The following HDAC9 variants were observed in gnomAD, a reference collection of about 807,000 sequenced individuals.
HDAC9 encodes MEF-2 interacting transcription repressor (MITR) protein.
HDAC9 carries 41 observed loss-of-function variants against 139.4 expected under a neutral mutation model. The observed-to-expected ratio is 0.29, with a 90% CI of 0.23 to 0.38. HDAC9 has a LOEUF of 0.38. Ranked by LOEUF, HDAC9 falls within the 10% of genes least tolerant of loss-of-function variation. HDAC9 has a pLI of 1.00. For synonymous variants in HDAC9, 517 were observed against 476.2 expected (o/e 1.09, Z -1.12); for missense variants, 1,147 against 1,297.0 (o/e 0.88, Z 1.78).
At chr7:18,292,572 A>T (rs1207341826) in intron 1 of HDAC9, among the ~76,000 whole-genome samples, 3 of 152,104 alleles carry the variant, frequency 2.0e-5, no homozygotes, top group Non-Finnish European at 4.4e-5. Context: ...GTGTGGAGTT[A>T]CCGCTGTAAA....
chr7:18,512,694 C>A (rs893303565), intron 2 of HDAC9, among the ~76,000 whole-genome samples: 1 of 152,180 alleles, frequency 6.6e-6, no homozygotes, highest in African/African-American at 2.4e-5. Context: ...CGATTTCCCA[C>A]CTCATACATA....
chr7:18,784,006 C>A (rs1420009883), intron 16 of HDAC9, among the ~76,000 whole-genome samples: 2 of 151,972 alleles, frequency 1.3e-5, no homozygotes, highest in Non-Finnish European at 2.9e-5. Context: ...CCCTCATCCC[C>A]AGTTACCTGA....
At chr7:18,561,144 A>T (rs1820473276) in intron 2 of HDAC9, among the ~76,000 whole-genome samples, 1 of 152,232 alleles carries the variant, frequency 6.6e-6, no homozygotes, top group Non-Finnish European at 1.5e-5. Context: ...TGCCTTGATT[A>T]AAAGAAGTCA....
In HDAC9 at chr7:18,691,390, TTCTGATCTTATA is replaced by T. The variant is rs543678635; in HGVS notation, c.1731+24916_1731+24927del. 1.2e-4 allele frequency among the ~76,000 whole-genome samples: 19 copies of T among 152,190 alleles called. No homozygotes were observed. The South Asian group carries it at 2.7e-3, about 22-fold the overall frequency. ...TTGGTGGGTCACTTTGTATTGCTCTTTCTGATCTTATATTCATTTAAGTACCAAAGAGTAGAG... is the reference window on the plus strand; with the variant it reads ...TTGGTGGGTCACTTTGTATTGCTCTTTTCATTTAAGTACCAAAGAGTAGAG... On this transcript the variant is annotated intron_variant, in intron 12 of 25. Coordinates refer to ENST00000686413, the MANE Select transcript of HDAC9 (RefSeq NM_178425.4).
rs555236705 is a variant in HDAC9, at chr7:18,657,329, A to G, written c.1467+8646A>G. Among the ~76,000 whole-genome samples, 71 of 152,250 alleles carry G rather than the reference A, an allele frequency of 4.7e-4. 2 individuals are homozygous for G. The South Asian group carries it at 0.014, about 30-fold the overall frequency. The stretch of plus-strand genomic sequence containing the variant: ...AAGTAAGGAATTGATCAATGGGGGA[A>G]ATGGCGATGTTTATGAGTTGGGAGA... On this transcript the variant is annotated intron_variant, in intron 11 of 25. Transcript: ENST00000686413.
At chr7:18,969,941 C>A (rs1262062824) in intron 24 of HDAC9, among the ~76,000 whole-genome samples, 2 of 152,158 alleles carry the variant, frequency 1.3e-5, no homozygotes, top group Non-Finnish European at 1.5e-5. Context: ...AATAGTTACT[C>A]ATTTCAGTAT....
chr7:18,392,391 A>AGATAGATG (rs1049558655), intron 1 of HDAC9, among the ~76,000 whole-genome samples: 2 of 132,778 alleles, frequency 1.5e-5, no homozygotes, highest in Non-Finnish European at 3.2e-5. Context: ...ATAGATGGAT[A>AGATAGATG]GATAGATGGA....
intron 12 of HDAC9, among the ~76,000 whole-genome samples, chr7:18,706,881 C>G (rs921832276): frequency 6.6e-6 from 1 of 152,040 alleles, no homozygotes; most frequent in East Asian, 1.9e-4. Context: ...AGAGTTAGGT[C>G]GAGGGTGCCT....
In HDAC9 at chr7:18,900,832, C is replaced by T. The variant is rs577180867; in HGVS notation, c.2803+26236C>T. ...TACCCTGGGAAAAACAACATGTGAA[C>T]AGTCTAGTGTATAGATACCACTGGA... On this transcript the variant is annotated intron_variant, in intron 22 of 25. Coordinates refer to ENST00000686413, the MANE Select transcript of HDAC9 (RefSeq NM_178425.4). 2.6e-5 allele frequency among the ~76,000 whole-genome samples: 4 copies of T among 152,190 alleles called. No individual in the cohort carries two copies. In the South Asian group the frequency reaches 6.2e-4, roughly 24 times the overall value.
intron 8 of HDAC9, among the ~76,000 whole-genome samples, chr7:18,644,140 C>T (rs1786607783): frequency 6.6e-6 from 1 of 151,936 alleles, no homozygotes; most frequent in South Asian, 2.1e-4. Context: ...AAAAATACAC[C>T]ACACAGAATT....
intron 17 of HDAC9, among the ~76,000 whole-genome samples, chr7:18,823,366 A>G (rs1342930582): frequency 6.6e-6 from 1 of 152,216 alleles, no homozygotes; most frequent in Non-Finnish European, 1.5e-5. Flanking sequence ...GGACTATAGT[A>G]TGATTGCTGG....
intron 2 of HDAC9, among the ~76,000 whole-genome samples, chr7:18,577,563 C>T (rs1189694892): frequency 6.6e-6 from 1 of 152,160 alleles, no homozygotes. Flanking sequence ...GATTACCTTG[C>T]CCTACCCTGC....
intron 2 of HDAC9, among the ~76,000 whole-genome samples, chr7:18,581,859 T>A (rs2128784997): frequency 6.6e-6 from 1 of 152,330 alleles, no homozygotes; most frequent in East Asian, 1.9e-4. Flanking sequence ...ATGATTAATT[T>A]CTTTCCTTTC....
At chr7:18,984,288 C>G (rs766595305) in intron 25 of HDAC9, among the ~76,000 whole-genome samples, 3 of 151,964 alleles carry the variant, frequency 2.0e-5, no homozygotes, top group Non-Finnish European at 4.4e-5. Context: ...TATATGAGTG[C>G]AAACTTTGGG....
intron 12 of HDAC9, among the ~76,000 whole-genome samples, chr7:18,691,061 T>C (rs1170324269): frequency 2.6e-5 from 4 of 152,038 alleles, no homozygotes; most frequent in Non-Finnish European, 4.4e-5. Context: ...CTGAGCAAAA[T>C]GCTAATTTTA....
intron 2 of HDAC9, among the ~76,000 whole-genome samples, chr7:18,544,074 C>T (rs2128629136): frequency 6.6e-6 from 1 of 152,202 alleles, no homozygotes; most frequent in South Asian, 2.1e-4. Flanking sequence ...TAAGAGGCAA[C>T]CTTCTGGCTG....
chr7:18,750,164 A>G (rs750270057), intron 14 of HDAC9, among the ~76,000 whole-genome samples: 3 of 152,188 alleles, frequency 2.0e-5, no homozygotes, highest in South Asian at 2.1e-4. Context: ...AGTTACATCA[A>G]TCTGATCCCC....
Position 18,806,037 on chromosome 7 carries a change from A to C in HDAC9, c.2322+12585A>C, listed in dbSNP as rs1585069446. Among the ~76,000 whole-genome samples the C allele has an allele frequency of 2.6e-5, 4 of 152,336 alleles. No individual in the cohort carries two copies. In the South Asian group the frequency reaches 8.3e-4, roughly 32 times the overall value. On this transcript the variant is annotated intron_variant, in intron 17 of 25. Coordinates refer to ENST00000686413, the MANE Select transcript of HDAC9 (RefSeq NM_178425.4). The stretch of plus-strand genomic sequence containing the variant: ...GAAGCTTCAAACAAAATGTGACATT[A>C]AGGTTTTCAATGAGGCTGAACTGGA...
At chr7:18,153,220 G>A (rs1473704887) in intron 1 of HDAC9, among the ~76,000 whole-genome samples, 2 of 152,228 alleles carry the variant, frequency 1.3e-5, no homozygotes, top group South Asian at 2.1e-4. Context: ...AAAAGAATTG[G>A]ACCAAACGCA....
Sources: allele counts gnomAD v4.1 joint callset (sites outside exome capture counted in the v4.1 genomes callset), GRCh38; gene constraint gnomAD v4.1.1; transcripts MANE v1.5; gene names NCBI Gene and HGNC (gene_info 2026-07-23, HGNC 2026-07-21).